Variants in PARD3 observed in about 807,000 individuals in gnomAD.
PARD3 encodes the protein partitioning defective 3 homolog.
A neutral mutation model predicts 155.4 loss-of-function variants in PARD3; 75 were observed. The observed-to-expected ratio is 0.48, with a 90% CI of 0.40 to 0.58. PARD3 has a LOEUF of 0.58. Among genes scored for constraint, PARD3 ranks in the 20% least tolerant of loss-of-function variants. PARD3 has a pLI of 0.00. For synonymous variants in PARD3, 576 were observed against 610.5 expected (o/e 0.94, Z 0.83); for missense variants, 1,642 against 1,721.7 (o/e 0.95, Z 0.82).
chr10:34,295,196 G>T (rs1956851015), intron 20 of PARD3, among the ~76,000 whole-genome samples: 1 of 152,140 alleles, frequency 6.6e-6, no homozygotes, highest in Non-Finnish European at 1.5e-5. Context: ...CTCAACTGTG[G>T]TTAAGAAACC....
Position 34,478,543 on chromosome 10 carries a change from CAT to C in PARD3, c.404-8282_404-8281del, listed in dbSNP as rs749270716. Among the ~76,000 whole-genome samples, 10 of 152,288 alleles carry C rather than the reference CAT, an allele frequency of 6.6e-5. No individual in the cohort carries two copies. In the East Asian group the frequency reaches 1.4e-3, roughly 21 times the overall value. On this transcript the variant is annotated intron_variant, in intron 3 of 24. Transcript: ENST00000374788. ...GAAAATAAAGTCAAGGGGAAAAAAA[CAT>C]ATGCAATTTTCTTTCGAGACGGAGT...
intron 22 of PARD3, among the ~76,000 whole-genome samples, chr10:34,173,537 A>T (rs1949899013): frequency 6.6e-6 from 1 of 152,166 alleles, no homozygotes; most frequent in Non-Finnish European, 1.5e-5. Flanking sequence ...CTTTACAGGG[A>T]TCTTGTTAAG....
At chr10:34,766,606 T>C (rs1374039281) in intron 1 of PARD3, among the ~76,000 whole-genome samples, 1 of 68,388 alleles carries the variant, frequency 1.5e-5, no homozygotes, top group East Asian at 3.9e-4. Flanking sequence ...ATTTTTAAAA[T>C]ACTTAATTGA....
intron 22 of PARD3, among the ~76,000 whole-genome samples, chr10:34,175,833 CAT>C (rs1589024046): frequency 6.6e-6 from 1 of 152,110 alleles, no homozygotes; most frequent in South Asian, 2.1e-4. Context: ...GTTAAATCCC[CAT>C]ATGTCAGTTT....
chr10:34,779,040 G>C (rs1257171402), intron 1 of PARD3, among the ~76,000 whole-genome samples: 4 of 152,240 alleles, frequency 2.6e-5, no homozygotes, highest in African/African-American at 9.6e-5. Flanking sequence ...GCTGGGCACA[G>C]TGACTCATAC....
intron 22 of PARD3, among the ~76,000 whole-genome samples, chr10:34,268,117 C>T (rs1290103362): frequency 6.7e-6 from 1 of 149,584 alleles, no homozygotes; most frequent in Non-Finnish European, 1.5e-5. Context: ...GGTGCTTGAA[C>T]ATACAAATGA....
chr10:34,341,102 G>T (rs1020376681), intron 16 of PARD3, among the ~76,000 whole-genome samples: 1 of 143,178 alleles, frequency 7.0e-6, no homozygotes. Context: ...ACACAGGAAA[G>T]AAAATAGCAG....
chr10:34,633,166 T>C lies in PARD3; in HGVS notation c.222+63152A>G, dbSNP rs562079453. On this transcript the variant is annotated intron_variant, in intron 2 of 24. Transcript: ENST00000374788. Reference sequence around the variant, plus strand: ...ATCCCCTCAAATATTCAACATTTTTTATGATGAGAACATATGAAATTTACT... The same window carrying C: ...ATCCCCTCAAATATTCAACATTTTTCATGATGAGAACATATGAAATTTACT... Among the ~76,000 whole-genome samples, 4 of 152,336 alleles carry C rather than the reference T, an allele frequency of 2.6e-5. No individual in the cohort carries two copies. In the East Asian group the frequency reaches 5.8e-4, roughly 22 times the overall value.
chr10:34,212,109 C>G (rs1442149227), intron 22 of PARD3, among the ~76,000 whole-genome samples: 1 of 150,858 alleles, frequency 6.6e-6, no homozygotes, highest in Non-Finnish European at 1.5e-5. Flanking sequence ...CTTGCATCTA[C>G]TAACTTAAGT....
Position 34,739,076 on chromosome 10 carries a change from T to C in PARD3, c.121-42657A>G, listed in dbSNP as rs75645934. ...TAAGGGATCACCTCCTTAAACAAAA[T>C]TACCAACCACTGAAATGTAGGTAAA... On this transcript the variant is annotated intron_variant, in intron 1 of 24. Transcript: ENST00000374788. Among the ~76,000 whole-genome samples the C allele has an allele frequency of 6.3e-3, 966 of 152,246 alleles. 12 individuals carry two copies. The highest frequency in any genetic ancestry group is 0.021 in the African/African-American group (884 of 41,536).
chr10:34,666,158 T>C (rs1285702258), intron 2 of PARD3, among the ~76,000 whole-genome samples: 1 of 149,954 alleles, frequency 6.7e-6, no homozygotes. Flanking sequence ...CCCAGGAAGC[T>C]GCAGTAAGCC....
At chr10:34,475,229 C>T (rs2078631499) in intron 3 of PARD3, among the ~76,000 whole-genome samples, 1 of 152,148 alleles carries the variant, frequency 6.6e-6, no homozygotes, top group African/African-American at 2.4e-5. Flanking sequence ...CATGTTAACA[C>T]AACTCAATTT....
intron 2 of PARD3, among the ~76,000 whole-genome samples, chr10:34,684,552 C>G: frequency 6.6e-6 from 1 of 152,026 alleles, no homozygotes; most frequent in Non-Finnish European, 1.5e-5. Context: ...CCAGCCCAAT[C>G]GCCATCAATT....
chr10:34,498,007 C>T (rs7087511), intron 3 of PARD3, among the ~76,000 whole-genome samples: 17,556 of 151,942 alleles, frequency 0.12, 3,153 homozygotes, highest in African/African-American at 0.39. Context: ...GAAGTGCTTT[C>T]CCCCCTCTCC....
chr10:34,471,709 C>T (rs535950739), intron 3 of PARD3, among the ~76,000 whole-genome samples: 3 of 152,236 alleles, frequency 2.0e-5, no homozygotes, highest in African/African-American at 7.2e-5. Flanking sequence ...CAAGTGTGCA[C>T]CACCATGATA....
intron 2 of PARD3, among the ~76,000 whole-genome samples, chr10:34,634,650 T>C (rs1385658055): frequency 6.6e-6 from 1 of 151,942 alleles, no homozygotes; most frequent in Non-Finnish European, 1.5e-5. Flanking sequence ...TGCTCTTACA[T>C]GCACAAAGAA....
chr10:34,630,436 T>C (rs1479270829), intron 2 of PARD3, among the ~76,000 whole-genome samples: 1 of 144,696 alleles, frequency 6.9e-6, no homozygotes, highest in Non-Finnish European at 1.5e-5. Flanking sequence ...TTATCCTCCC[T>C]CTCTCTCTTT....
At chr10:34,412,831 C>T (rs1164199623) in intron 5 of PARD3, among the ~76,000 whole-genome samples, 3 of 151,952 alleles carry the variant, frequency 2.0e-5, no homozygotes, top group Admixed American at 6.6e-5. Context: ...GAAAGAGATG[C>T]CTTCAGAGAA....
At chr10:34,626,204 A>T (rs1267221097) in intron 2 of PARD3, among the ~76,000 whole-genome samples, 1 of 152,224 alleles carries the variant, frequency 6.6e-6, no homozygotes, top group Admixed American at 6.5e-5. Flanking sequence ...GACCCTGGAC[A>T]GCCAGGAGTT....
Sources: allele counts gnomAD v4.1 joint callset (sites outside exome capture counted in the v4.1 genomes callset), GRCh38; gene constraint gnomAD v4.1.1; transcripts MANE v1.5; gene names NCBI Gene and HGNC (gene_info 2026-07-23, HGNC 2026-07-21).